Variants in ALDH1A2 observed in about 807,000 individuals in gnomAD.
ALDH1A2 encodes the protein aldehyde dehydrogenase 1 family member A2.
Under a neutral mutation model 60.3 loss-of-function variants are expected in ALDH1A2, and 27 were observed. The observed-to-expected ratio is 0.45, with a 90% CI of 0.33 to 0.62. The LOEUF is 0.62. Among genes scored for constraint, ALDH1A2 ranks in the 20% least tolerant of loss-of-function variants. ALDH1A2 has a pLI of 0.02. For missense variants in ALDH1A2, 581 were observed against 643.8 expected (o/e 0.90, Z 1.06); for synonymous variants, 289 against 232.4 (o/e 1.24, Z -2.21).
rs551545629 is a variant in ALDH1A2 at position 58,036,955 on chromosome 15, C to T, written c.118-22674G>A. Among the ~76,000 whole-genome samples the T allele has an allele frequency of 2.3e-4, 35 of 151,726 alleles. 1 individual carries two copies. The South Asian group carries it at 6.0e-3, about 26-fold the overall frequency. ...TCTATCCTCAGTAGAATTATTCAGC[C>T]GGCCTGATCAGCCCTTCTTTAACTT... On this transcript the variant is annotated intron_variant, in intron 1 of 12. Transcript: ENST00000249750.
chr15:57,995,358 G>A (rs1235213798), intron 4 of ALDH1A2, among the ~76,000 whole-genome samples: 3 of 151,946 alleles, frequency 2.0e-5, no homozygotes, highest in Non-Finnish European at 4.4e-5. Context: ...CAGTATTGAG[G>A]AAAGGATCTC....
intron 7 of ALDH1A2, among the ~76,000 whole-genome samples, chr15:57,977,518 T>C (rs1473476382): frequency 2.0e-5 from 3 of 152,174 alleles, no homozygotes; most frequent in Admixed American, 6.5e-5. Flanking sequence ...GATCAGATGG[T>C]TGTAGATGTA....
intron 8 of ALDH1A2, 26 bp from the exon 9 acceptor site, chr15:57,964,095 C>T (rs1260205801): frequency 2.5e-6 from 4 of 1,613,348 alleles, no homozygotes; most frequent in Non-Finnish European, 3.4e-6. Flanking sequence ...GCCATGTTCT[C>T]ACCGCTTTGC....
At chr15:58,026,923 A>G (rs1896095092) in intron 1 of ALDH1A2, among the ~76,000 whole-genome samples, 1 of 151,980 alleles carries the variant, frequency 6.6e-6, no homozygotes, top group South Asian at 2.1e-4. Flanking sequence ...GCCTCTCTAG[A>G]CTCCACCTCT....
At chr15:58,059,454 T>C (rs1361227975) in intron 1 of ALDH1A2, among the ~76,000 whole-genome samples, 1 of 152,208 alleles carries the variant, frequency 6.6e-6, no homozygotes, top group Non-Finnish European at 1.5e-5. Context: ...AAAAGTTTCT[T>C]CGTTTTTAAA....
chr15:58,013,869 C>T lies in ALDH1A2; in HGVS notation c.352G>A (p.Ala118Thr). Residue 118 changes from alanine (A) to threonine (T), a missense_variant, in exon 3 of 13, where the codon GCA becomes ACA. By Grantham distance (58) the Ala-to-Thr change is moderately conservative (BLOSUM62 0). Transcript: ENST00000249750. ...KLADLVERDRAVLATMESLNG... is the reference protein window; with the variant it reads ...KLADLVERDRTVLATMESLNG... The stretch of plus-strand genomic sequence containing the variant: ...CTTAGGTTACTTACTGCAAGAACTG[C>T]CCTGTCCCGTTCCACCAAGTCTGCA... The T allele has an allele frequency of 6.2e-7, 1 of 1,614,150 alleles. No homozygotes were observed. Among genetic ancestry groups the T allele is most frequent in the East Asian group, 2.2e-5 (1 of 44,874 alleles).
intron 8 of ALDH1A2, 38 bp downstream of exon 8, chr15:57,965,687 G>C: frequency 7.2e-7 from 1 of 1,386,622 alleles, no homozygotes; most frequent in East Asian, 2.3e-5. Flanking sequence ...ACCAAAGGGT[G>C]TGTGGTGGTT....
At chr15:58,002,265 G>T (rs1895300222) in intron 4 of ALDH1A2, among the ~76,000 whole-genome samples, 1 of 151,882 alleles carries the variant, frequency 6.6e-6, no homozygotes, top group Admixed American at 6.6e-5. Flanking sequence ...ATTAAGAACA[G>T]CCCTTGCTGC....
At position 58,059,712 on chromosome 15, in the gene ALDH1A2, G is replaced by C. The variant is rs538480201; in HGVS notation, c.117+5822C>G. On this transcript the variant is annotated intron_variant, in intron 1 of 12. Transcript: ENST00000249750. Reference sequence around the variant, plus strand: ...TAATTTTATTATTAAAATACTGTCAGAGAAAATGCTTTAGTAACTTTTTTA... The same window carrying C: ...TAATTTTATTATTAAAATACTGTCACAGAAAATGCTTTAGTAACTTTTTTA... 5.3e-5 allele frequency among the ~76,000 whole-genome samples: 8 copies of C among 152,230 alleles called. No individual in the cohort carries two copies. The East Asian group carries it at 1.5e-3, about 29-fold the overall frequency.
At chr15:58,062,617 G>C (rs1260998558) in intron 1 of ALDH1A2, among the ~76,000 whole-genome samples, 3 of 152,154 alleles carry the variant, frequency 2.0e-5, no homozygotes, top group Non-Finnish European at 4.4e-5. Context: ...GCAAAGGAGA[G>C]CGCATTCTCT....
chr15:58,047,625 T>C (rs1896667801), intron 1 of ALDH1A2, among the ~76,000 whole-genome samples: 1 of 152,020 alleles, frequency 6.6e-6, no homozygotes, highest in South Asian at 2.1e-4. Context: ...TTTTTAACTT[T>C]GAAAAAAATT....
In ALDH1A2 at chr15:57,956,552, A is replaced by G. The variant is rs140565736; in HGVS notation, c.1485-1283T>C. Among the ~76,000 whole-genome samples, 35 of 152,266 alleles carry G rather than the reference A, an allele frequency of 2.3e-4. No homozygotes were observed. In the East Asian group the frequency reaches 6.6e-3, roughly 29 times the overall value. On this transcript the variant is annotated intron_variant, in intron 12 of 12. Transcript: ENST00000249750. ...GACAACAGAGGGCGGCCAAGGAGAG[A>G]CTGGGGCAAGCAGGCTGTTCTCCTG...
intron 1 of ALDH1A2, among the ~76,000 whole-genome samples, chr15:58,032,490 A>G (rs1896267406): frequency 6.6e-6 from 1 of 152,098 alleles, no homozygotes; most frequent in Non-Finnish European, 1.5e-5. Flanking sequence ...ATGTACCCTA[A>G]AACTTAAAGT....
intron 1 of ALDH1A2, among the ~76,000 whole-genome samples, chr15:58,045,182 A>G (rs1302163644): frequency 6.6e-6 from 1 of 152,136 alleles, no homozygotes; most frequent in African/African-American, 2.4e-5. Flanking sequence ...TGCAAATCAA[A>G]GCCACAGAGA....
In ALDH1A2 at chr15:57,962,101, C is replaced by A; in HGVS notation, c.1162G>T (p.Gly388Ter). The change falls in exon 10 of 13, where the codon GGA (glycine) becomes TGA (stop). Residue 388 changes from glycine (G) to a stop codon, truncating the protein, a stop_gained. Coordinates refer to ENST00000249750, the MANE Select transcript of ALDH1A2 (RefSeq NM_003888.4). LOFTEE classifies it high-confidence loss of function. ...CCCTTTCGGCCCAGTCCTTTGCCTC[C>A]ACATTCCAGCTTGGCGCCCTCAGCC... ...GVAEGAKLECGGKGLGRKGFF... is the reference protein window; with the variant it reads ...GVAEGAKLEC 6.2e-7 allele frequency: 1 copy of A among 1,614,168 alleles called. No homozygotes were observed. Among genetic ancestry groups the A allele is most frequent in the Non-Finnish European group, 8.5e-7 (1 of 1,180,014 alleles).
intron 6 of ALDH1A2, 46 bp from the exon 7 acceptor site, chr15:57,992,864 C>A: frequency 1.2e-6 from 2 of 1,613,520 alleles, no homozygotes; most frequent in Non-Finnish European, 1.7e-6. Flanking sequence ...AAAGCTGATG[C>A]ATCATGTTAA....
intron 3 of ALDH1A2, among the ~76,000 whole-genome samples, chr15:58,011,615 TG>T (rs748352918): frequency 6.6e-6 from 1 of 152,202 alleles, no homozygotes; most frequent in Admixed American, 6.5e-5. Flanking sequence ...GACATACTGG[TG>T]TGAAAATTAT....
At chr15:58,060,274 C>G (rs946792162) in intron 1 of ALDH1A2, among the ~76,000 whole-genome samples, 5 of 152,064 alleles carry the variant, frequency 3.3e-5, no homozygotes, top group African/African-American at 4.8e-5. Flanking sequence ...TAATTTAGAT[C>G]TCTAAATATA....
chr15:58,018,220 G>A (rs1218077343), intron 1 of ALDH1A2, among the ~76,000 whole-genome samples: 10 of 152,112 alleles, frequency 6.6e-5, no homozygotes, highest in Admixed American at 2.0e-4. Context: ...TCACCATGAA[G>A]AGGCTACCAA....
Sources: gnomAD v4.1 joint callset for allele counts (sites outside exome capture counted in the v4.1 genomes callset) on GRCh38, gnomAD v4.1.1 for gene constraint, MANE v1.5 for transcripts, NCBI Gene and HGNC (gene_info 2026-07-23, HGNC 2026-07-21) for gene names.